NCKAP5: variants seen among roughly 807,000 people sequenced by gnomAD.
NCKAP5 encodes NCK associated protein 5, also known as nck-associated protein 5.
In NCKAP5, 92 loss-of-function variants were observed where a neutral mutation model predicts 167.0. The observed-to-expected ratio is 0.55, with a 90% CI of 0.47 to 0.66. The LOEUF is 0.66. Ranked by LOEUF, NCKAP5 falls within the 30% of genes least tolerant of loss-of-function variation. The pLI is 0.00. For missense variants in NCKAP5, 2,378 were observed against 2,315.0 expected (o/e 1.03, Z -0.56); for synonymous variants, 891 against 877.4 (o/e 1.02, Z -0.27).
intron 3 of NCKAP5, among the ~76,000 whole-genome samples, chr2:133,457,501 TA>T (rs1476782805): frequency 6.6e-6 from 1 of 152,196 alleles, no homozygotes; most frequent in Non-Finnish European, 1.5e-5. Context: ...AGGATGCTTT[TA>T]AAAGATTTTA....
chr2:133,292,329 G>A (rs559750187), intron 4 of NCKAP5, among the ~76,000 whole-genome samples: 1 of 150,560 alleles, frequency 6.6e-6, no homozygotes. Context: ...GAGGCACTTT[G>A]TCGCTTCTTA....
At chr2:133,506,680 G>C (rs1326380124) in intron 3 of NCKAP5, among the ~76,000 whole-genome samples, 1 of 152,134 alleles carries the variant, frequency 6.6e-6, no homozygotes, top group Non-Finnish European at 1.5e-5. Context: ...TAGTGGCAAT[G>C]ACTCCCCACT....
chr2:132,818,457 A>G (rs564492335), intron 11 of NCKAP5, among the ~76,000 whole-genome samples: 2 of 152,288 alleles, frequency 1.3e-5, no homozygotes, highest in Non-Finnish European at 2.9e-5. Context: ...AGGCAGATCA[A>G]CTGAGGTCAG....
At chr2:133,183,708 C>T (rs979680933) in intron 5 of NCKAP5, among the ~76,000 whole-genome samples, 1 of 152,100 alleles carries the variant, frequency 6.6e-6, no homozygotes, top group Admixed American at 6.5e-5. Flanking sequence ...TTTTGTTCAA[C>T]ATAATGCTGA....
chr2:133,055,329 G>A (rs1284582117), intron 6 of NCKAP5, among the ~76,000 whole-genome samples: 1 of 152,064 alleles, frequency 6.6e-6, no homozygotes, highest in African/African-American at 2.4e-5. Context: ...AAGTAGGAAG[G>A]AGCTGAGAAC....
intron 2 of NCKAP5, chr2:133,554,221 A>G (rs568841213): frequency 6.6e-6 from 1 of 152,302 alleles, no homozygotes; most frequent in Admixed American, 6.5e-5. Context: ...CTCAAAGTCA[A>G]CTGATTAGGG....
intron 6 of NCKAP5, among the ~76,000 whole-genome samples, chr2:133,068,417 T>C (rs10205918): frequency 6.6e-6 from 1 of 152,114 alleles, no homozygotes; most frequent in Admixed American, 6.5e-5. Context: ...AAAAGAATAG[T>C]AGTAAGATGG....
chr2:132,760,485 T>C (rs544444949), intron 16 of NCKAP5, among the ~76,000 whole-genome samples: 76 of 152,310 alleles, frequency 5.0e-4, no homozygotes, highest in Non-Finnish European at 9.1e-4. Flanking sequence ...ACATTTTAAT[T>C]GTCAGCCCTT....
At position 132,782,339 on chromosome 2, in the gene NCKAP5, G is replaced by T; in HGVS notation, c.4472C>A (p.Thr1491Lys). 6.2e-7 allele frequency: 1 copy of T among 1,614,058 alleles called. No individual in the cohort carries two copies. Among genetic ancestry groups the T allele is most frequent in the Non-Finnish European group, 8.5e-7 (1 of 1,179,906 alleles). The part of the protein sequence containing the change: ...QENVEKGQVQ[T>K]KPTSVEAKQK... The stretch of plus-strand genomic sequence containing the variant: ...CTTTGCTTCCACAGAGGTGGGCTTT[G>T]TTTGCACTTGGCCCTTTTCCACATT... The change falls in exon 14 of 20, where the codon ACA becomes AAA. Residue 1491 changes from threonine (T) to lysine (K), a missense_variant. This residue lies in a region of NCKAP5 where 1,325 missense variants were observed against 1,274.5 expected (regional missense o/e 1.04). Coordinates refer to ENST00000409261, the MANE Select transcript of NCKAP5 (RefSeq NM_207363.3).
At chr2:133,101,935 T>C (rs896144912) in intron 6 of NCKAP5, among the ~76,000 whole-genome samples, 27 of 151,980 alleles carry the variant, frequency 1.8e-4, no homozygotes, top group African/African-American at 6.5e-4. Context: ...TCCTCGACAA[T>C]ACATAAGCCA....
At chr2:133,547,704 C>T (rs1478553822) in intron 2 of NCKAP5, among the ~76,000 whole-genome samples, 2 of 150,244 alleles carry the variant, frequency 1.3e-5, no homozygotes, top group Non-Finnish European at 3.0e-5. Flanking sequence ...ACAGAAAGGA[C>T]ATCCACATCG....
chr2:133,588,280 T>TCC, the NCKAP5 span, among the ~76,000 whole-genome samples: 4 of 55,760 alleles, frequency 7.2e-5, no homozygotes, highest in Non-Finnish European at 1.0e-4. Context: ...CCTCCCTCCC[T>TCC]CTCTCCCTAC....
the NCKAP5 span, among the ~76,000 whole-genome samples, chr2:133,646,523 A>G: frequency 6.6e-6 from 1 of 152,180 alleles, no homozygotes; most frequent in Non-Finnish European, 1.5e-5. Flanking sequence ...AGGAGAGATA[A>G]AGATTTTCCC....
At chr2:132,921,485 C>A (rs114494578) in intron 8 of NCKAP5, among the ~76,000 whole-genome samples, 1,550 of 152,222 alleles carry the variant, frequency 0.01, 32 homozygotes, top group African/African-American at 0.034. Context: ...CCACTAGGTA[C>A]CAGAAATATG....
rs554217106 is a variant in NCKAP5, at chr2:133,500,698, C to T, written c.69+16760G>A. Among the ~76,000 whole-genome samples the T allele has an allele frequency of 5.9e-5, 9 of 152,226 alleles. No homozygotes were observed. The South Asian group carries it at 1.2e-3, about 21-fold the overall frequency. The stretch of plus-strand genomic sequence containing the variant: ...TTGACACACTTGAAAGAAATTTAAG[C>T]AAATATCTCATTTTTAGACAGCAGT... On this transcript the variant is annotated intron_variant, in intron 3 of 19. Coordinates refer to ENST00000409261, the MANE Select transcript of NCKAP5 (RefSeq NM_207363.3).
At chr2:133,194,737 T>C (rs1163479877) in intron 5 of NCKAP5, among the ~76,000 whole-genome samples, 1 of 151,742 alleles carries the variant, frequency 6.6e-6, no homozygotes, top group African/African-American at 2.4e-5. Context: ...TTGGTGCTAA[T>C]CATGTGAAGT....
chr2:133,614,114 AG>A, the NCKAP5 span, among the ~76,000 whole-genome samples: 4 of 152,186 alleles, frequency 2.6e-5, no homozygotes. Context: ...GAATCCGCAG[AG>A]CCTTTGAAGA....
At chr2:133,564,703 C>A (rs1366848879) in intron 1 of NCKAP5, among the ~76,000 whole-genome samples, 2 of 152,058 alleles carry the variant, frequency 1.3e-5, no homozygotes, top group Admixed American at 1.3e-4. Context: ...GAATGCAGGA[C>A]CGCAGTCTTC....
intron 4 of NCKAP5, among the ~76,000 whole-genome samples, chr2:133,296,568 T>C (rs1679976026): frequency 6.6e-6 from 1 of 152,250 alleles, no homozygotes; most frequent in Non-Finnish European, 1.5e-5. Context: ...ATTTGTATTA[T>C]GTAGCTGTAT....
Sources: allele counts gnomAD v4.1 joint callset (sites outside exome capture counted in the v4.1 genomes callset), GRCh38; gene constraint gnomAD v4.1.1; regional missense constraint gnomAD v4.1.1; transcripts MANE v1.5; gene names NCBI Gene and HGNC (gene_info 2026-07-23, HGNC 2026-07-21).